Variants in PLEKHD1 observed in about 807,000 individuals in gnomAD.
The protein encoded by PLEKHD1 is pleckstrin homology and coiled-coil domain containing D1.
A neutral mutation model predicts 69.2 loss-of-function variants in PLEKHD1; 51 were observed. The observed-to-expected ratio is 0.74, with a 90% confidence interval of 0.59 to 0.93. The LOEUF (loss-of-function observed/expected upper bound fraction) is 0.93. Among genes scored for constraint, PLEKHD1 ranks in the 40% least tolerant of loss-of-function variants. PLEKHD1 has a pLI of 0.00. For missense variants in PLEKHD1, 584 were observed against 641.0 expected, an observed-to-expected ratio of 0.91 and a Z score of 0.96; for synonymous variants, 236 against 244.7, an observed-to-expected ratio of 0.96 and a Z score of 0.33.
intron 1 of PLEKHD1, among the ~76,000 whole-genome samples, chr14:69,488,689 T>A (rs929404029): frequency 1.6e-4 from 25 of 152,264 alleles, no homozygotes; most frequent in African/African-American, 6.0e-4. Flanking sequence ...AGAGGAGCTC[T>A]TTCAGCATTG....
At chr14:69,480,277 G>T (rs2139484142), upstream of PLEKHD1, among the ~76,000 whole-genome samples, 2 of 152,348 alleles carry the variant, frequency 1.3e-5, no homozygotes, top group Middle Eastern at 3.4e-3. Context: ...GCAGGGCCTG[G>T]CCTGGAGCTC....
At position 69,528,791 on chromosome 14, in the gene PLEKHD1, T is replaced by C; in HGVS notation, c.*372T>C. The C allele has an allele frequency of 4.6e-6, 1 of 216,240 alleles. No individual in the cohort carries two copies. Among genetic ancestry groups the C allele is most frequent in the Non-Finnish European group, 9.2e-6 (1 of 108,782 alleles). The allele number at this position is 216,240 out of a possible 1,614,324, so 13.4% of individuals were successfully genotyped here. A position where few individuals can be genotyped will look rare whatever the true frequency, so the allele number is the denominator to read the frequency against. ...GCAGGGTCTGCCCCACTGAGGAAGATGGCAGCCCTCCCTGGTGCCCACTGG... is the reference window on the plus strand; with the variant it reads ...GCAGGGTCTGCCCCACTGAGGAAGACGGCAGCCCTCCCTGGTGCCCACTGG... On this transcript the variant is annotated 3_prime_UTR_variant, in exon 13 of 13. Coordinates refer to ENST00000322564, the MANE Select transcript of PLEKHD1 (RefSeq NM_001161498.2).
At chr14:69,477,727 C>G in the PLEKHD1 span, among the ~76,000 whole-genome samples, 1 of 152,232 alleles carries the variant, frequency 6.6e-6, no homozygotes, top group South Asian at 2.1e-4. Flanking sequence ...TCCTTTGACT[C>G]CATGTCTCGC....
In PLEKHD1 at chr14:69,516,625, A is replaced by C. The variant is rs184892806; in HGVS notation, c.556-5658A>C. Among the ~76,000 whole-genome samples, 201 of 152,284 alleles carry C rather than the reference A, an allele frequency of 1.3e-3. 2 individuals are homozygous for C. Among genetic ancestry groups the C allele is most frequent in the African/African-American group, 4.7e-3 (197 of 41,548 alleles). On this transcript the variant is annotated intron_variant, in intron 6 of 12. Transcript: ENST00000322564. ...TCTTCCTGACCAAGAAGAAGCAATG[A>C]AGGTTTTGAGCAGGGAGTAAGGAAA...
At chr14:69,524,904 C>A (rs889970277) in intron 8 of PLEKHD1, among the ~76,000 whole-genome samples, 1 of 152,186 alleles carries the variant, frequency 6.6e-6, no homozygotes, top group Non-Finnish European at 1.5e-5. Context: ...GACTCCCAAC[C>A]CCTGCTCCAA....
intron 7 of PLEKHD1, 115 bp downstream of exon 7, chr14:69,522,492 C>G: frequency 3.6e-6 from 4 of 1,125,892 alleles, no homozygotes; most frequent in Non-Finnish European, 3.8e-6. Flanking sequence ...CCCAAGGCTC[C>G]AGGCTTGGGT....
chr14:69,526,511 AGGG>A (rs1343479078), intron 9 of PLEKHD1, among the ~76,000 whole-genome samples, 183 bp from the exon 10 acceptor site: 2 of 152,032 alleles, frequency 1.3e-5, no homozygotes, highest in Admixed American at 1.3e-4. Context: ...CTCTAAACCT[AGGG>A]CTCCCAGCAC....
intron 2 of PLEKHD1, 40 bp from the exon 3 acceptor site, chr14:69,500,537 T>A: frequency 6.7e-7 from 1 of 1,491,398 alleles, no homozygotes. Flanking sequence ...GTGACCCCAG[T>A]TGGGTGGGGT....
the PLEKHD1 span, among the ~76,000 whole-genome samples, chr14:69,477,756 C>T: frequency 6.6e-6 from 1 of 152,348 alleles, no homozygotes; most frequent in African/African-American, 2.4e-5. Flanking sequence ...CACACTGATG[C>T]AAGAGGTAGG....
At chr14:69,496,523 A>G (rs1255932745) in intron 1 of PLEKHD1, among the ~76,000 whole-genome samples, 4 of 151,718 alleles carry the variant, frequency 2.6e-5, no homozygotes, top group African/African-American at 9.7e-5. Context: ...AGGGTGAAAG[A>G]GGTTTGATTT....
chr14:69,525,488 G>C (rs183670489), intron 8 of PLEKHD1, among the ~76,000 whole-genome samples: 3 of 152,118 alleles, frequency 2.0e-5, no homozygotes, highest in Admixed American at 6.5e-5. Context: ...GAGGTGGGGT[G>C]GGGGGTGGTT....
At chr14:69,478,311 T>C in the PLEKHD1 span, among the ~76,000 whole-genome samples, 1 of 152,230 alleles carries the variant, frequency 6.6e-6, no homozygotes, top group Non-Finnish European at 1.5e-5. Flanking sequence ...CTCCTAGGCC[T>C]CTGGGCTTGT....
rs186420679 is a variant in PLEKHD1, at chr14:69,502,868, G to C, written c.544G>C (p.Glu182Gln). Residue 182 changes from glutamate to glutamine, a missense_variant, in exon 6 of 13, where the codon GAG becomes CAG. Glu to Gln is a conservative substitution (Grantham distance 29). Coordinates refer to ENST00000322564, the MANE Select transcript of PLEKHD1 (RefSeq NM_001161498.2). The part of the protein sequence containing the change: ...EETEELCLQR[E>Q]QREELERLNQ... Reference sequence around the variant, plus strand: ...GACCGAAGAACTCTGCCTTCAGAGGGAGCAGAGAGAGGTAGGTGCACACCA... The same window carrying C: ...GACCGAAGAACTCTGCCTTCAGAGGCAGCAGAGAGAGGTAGGTGCACACCA... 209 of 1,551,684 alleles carry C rather than the reference G, an allele frequency of 1.3e-4. 1 individual carries two copies. The East Asian group carries it at 4.6e-3, about 34-fold the overall frequency.
chr14:69,506,749 A>G (rs1883158894), intron 6 of PLEKHD1, among the ~76,000 whole-genome samples: 1 of 152,166 alleles, frequency 6.6e-6, no homozygotes, highest in Non-Finnish European at 1.5e-5. Context: ...CATAGCATAC[A>G]TTAGGGTTCA....
chr14:69,511,486 T>C (rs1883270744), intron 6 of PLEKHD1, among the ~76,000 whole-genome samples: 1 of 152,126 alleles, frequency 6.6e-6, no homozygotes, highest in Admixed American at 6.6e-5. Context: ...GTTAATATTT[T>C]GTTGAAAATT....
chr14:69,529,504 T>G lies in PLEKHD1; in HGVS notation c.*1085T>G, dbSNP rs145154155. Reference sequence around the variant, plus strand: ...GGTTGAGGCTGCAGTGAGCTGAGATTGTGCCACTGCACTCCAGCCAGGGTA... The same window carrying G: ...GGTTGAGGCTGCAGTGAGCTGAGATGGTGCCACTGCACTCCAGCCAGGGTA... On this transcript the variant is annotated 3_prime_UTR_variant, in exon 13 of 13. Transcript: ENST00000322564. 1,728 of 153,254 alleles carry G rather than the reference T, an allele frequency of 0.011. 38 individuals are homozygous for G. Among genetic ancestry groups the G allele is most frequent in the African/African-American group, 0.04 (1,668 of 41,564 alleles). 9.5% of individuals were successfully genotyped at this position (153,254 alleles called of 1,614,324 possible).
At chr14:69,501,489 G>A (rs1883023195) in intron 4 of PLEKHD1, 1 of 425,364 alleles carries the variant, frequency 2.4e-6, no homozygotes, top group Non-Finnish European at 4.2e-6. Context: ...CTCTAAAAGT[G>A]CTGTTGGCCC....
In PLEKHD1 at chr14:69,484,866, T is replaced by G. The variant is rs1203747220; in HGVS notation, c.-100T>G. 2 of 1,391,862 alleles carry G rather than the reference T, an allele frequency of 1.4e-6. No homozygotes were observed. The highest frequency in any genetic ancestry group is 1.9e-6 in the Non-Finnish European group (2 of 1,032,908). The allele number at this position is 1,391,862 out of a possible 1,614,324, so 86.2% of individuals were successfully genotyped here. A position where few individuals can be genotyped will look rare whatever the true frequency, so the allele number is the denominator to read the frequency against. On this transcript the variant is annotated 5_prime_UTR_variant, in exon 1 of 13. Transcript: ENST00000322564. ...CGGGCCGCTCTGCTTCTCTGCTCGC[T>G]GGGACGCTCTCCGACGGCTCCGCCC...
chr14:69,470,166 A>G, the PLEKHD1 span, among the ~76,000 whole-genome samples: 2 of 152,202 alleles, frequency 1.3e-5, no homozygotes, highest in East Asian at 3.9e-4. Flanking sequence ...GACAGGCTTT[A>G]AGAAACTAGT....
Sources: allele counts gnomAD v4.1 joint callset (sites outside exome capture counted in the v4.1 genomes callset), GRCh38; gene constraint gnomAD v4.1.1; transcripts MANE v1.5; gene names NCBI Gene and HGNC (gene_info 2026-07-23, HGNC 2026-07-21).